Variants in CORO1C observed in about 807,000 individuals in gnomAD.
CORO1C encodes coronin-1C.
Under a neutral mutation model 51.2 loss-of-function variants are expected in CORO1C, and 14 were observed. The ratio of observed to expected loss-of-function variants is 0.27; its 90% CI spans 0.18 to 0.43. The LOEUF (loss-of-function observed/expected upper bound fraction) is 0.43. Among genes scored for constraint, CORO1C ranks in the 20% least tolerant of loss-of-function variants. CORO1C has a pLI of 1.00. For synonymous variants in CORO1C, 181 were observed against 210.5 expected, an observed-to-expected ratio of 0.86 and a Z score of 1.21; for missense variants, 417 against 607.8, an observed-to-expected ratio of 0.69 and a Z score of 3.30.
chr12:108,658,999 G>C lies in CORO1C; in HGVS notation c.449-80C>G. On this transcript the variant is annotated intron_variant, in intron 4 of 10. Transcript: ENST00000261401. This position sits in a 1 kb window ranked among gnomAD's most constrained non-coding sequence, Gnocchi z 4.9. ...ACTCAGAAAACTACAGATACAGTGA[G>C]AATACACATATGTATATGCAGAGAG... The C allele has an allele frequency of 7.1e-7, 1 of 1,417,332 alleles. No individual in the cohort carries two copies. The highest frequency in any genetic ancestry group is 9.7e-7 in the Non-Finnish European group (1 of 1,030,258). The allele number at this position is 1,417,332 out of a possible 1,614,324, so 87.8% of individuals were successfully genotyped here. A position where few individuals can be genotyped will look rare whatever the true frequency, so the allele number is the denominator to read the frequency against.
intron 1 of CORO1C, among the ~76,000 whole-genome samples, chr12:108,723,650 CCAT>C (rs1476341077): frequency 1.3e-5 from 2 of 152,242 alleles, no homozygotes; most frequent in African/African-American, 4.8e-5. Context: ...CACCAAACCA[CCAT>C]GTGACCAGAC....
At chr12:108,724,750 T>C (rs1183429176) in intron 1 of CORO1C, among the ~76,000 whole-genome samples, 3 of 152,198 alleles carry the variant, frequency 2.0e-5, no homozygotes, top group African/African-American at 7.2e-5. Context: ...GGAAAAAATA[T>C]AACTGCCTTC....
intron 1 of CORO1C, among the ~76,000 whole-genome samples, chr12:108,711,515 A>G (rs1425066320): frequency 2.0e-5 from 3 of 152,158 alleles, no homozygotes; most frequent in Non-Finnish European, 4.4e-5. Context: ...CCCCATGTCT[A>G]CTAAAAATAC....
intron 6 of CORO1C, among the ~76,000 whole-genome samples, chr12:108,656,165 G>A (rs2032979172): frequency 2.0e-5 from 1 of 49,266 alleles, no homozygotes; most frequent in Non-Finnish European, 4.2e-5. Context: ...TCTGAGAAGT[G>A]AGGAGCCCCT....
At chr12:108,690,169 A>G (rs1436605132) in intron 2 of CORO1C, among the ~76,000 whole-genome samples, 2 of 152,232 alleles carry the variant, frequency 1.3e-5, no homozygotes, top group Non-Finnish European at 2.9e-5. Flanking sequence ...AGACGGGTGC[A>G]CACAATATAT....
chr12:108,702,508 C>T (rs746245362), intron 1 of CORO1C, among the ~76,000 whole-genome samples: 5 of 152,170 alleles, frequency 3.3e-5, no homozygotes, highest in Non-Finnish European at 5.9e-5. Context: ...TCCTAGACTG[C>T]ACCCAATGTA....
chr12:108,703,392 A>G (rs2034934333), intron 1 of CORO1C, among the ~76,000 whole-genome samples: 1 of 152,238 alleles, frequency 6.6e-6, no homozygotes. Flanking sequence ...AAATCCTAAT[A>G]AAATGAAAGC....
rs953777688 is a variant in CORO1C at position 108,646,266 on chromosome 12, A to T, written c.*1137T>A. ...GCAGCACATGTGAGGAAGAGGGTAG[A>T]GCAGGAGCTTTGTTGGTGGAAGGAG... is the stretch of plus-strand genomic sequence containing the variant. On this transcript the variant is annotated 3_prime_UTR_variant, in exon 11 of 11. Coordinates refer to ENST00000261401, the MANE Select transcript of CORO1C (RefSeq NM_014325.4). 1 of 152,348 alleles carries T rather than the reference A, an allele frequency of 6.6e-6. No homozygotes were observed. Among genetic ancestry groups the T allele is most frequent in the Non-Finnish European group, 1.5e-5 (1 of 68,146 alleles). The allele number at this position is 152,348 out of a possible 1,614,324, so 9.4% of individuals were successfully genotyped here.
chr12:108,704,154 TCTGGC>T (rs2034959876), intron 1 of CORO1C, among the ~76,000 whole-genome samples: 1 of 152,154 alleles, frequency 6.6e-6, no homozygotes, highest in Non-Finnish European at 1.5e-5. Flanking sequence ...ATACAAATCT[TCTGGC>T]TGACATACAT....
intron 1 of CORO1C, among the ~76,000 whole-genome samples, chr12:108,722,436 G>A (rs996665898): frequency 2.0e-5 from 3 of 152,164 alleles, no homozygotes; most frequent in South Asian, 2.1e-4. Flanking sequence ...ACCCCTGGAC[G>A]CCACACAGCC....
intron 1 of CORO1C, among the ~76,000 whole-genome samples, chr12:108,710,638 C>G (rs1427273888): frequency 6.6e-6 from 1 of 151,470 alleles, no homozygotes; most frequent in Non-Finnish European, 1.5e-5. Context: ...AATCTCGGCT[C>G]ACTGCAACCT....
intron 1 of CORO1C, chr12:108,730,708 C>T (rs1188111711): frequency 6.5e-6 from 1 of 153,856 alleles, no homozygotes; most frequent in Non-Finnish European, 1.4e-5. Flanking sequence ...AACCCCCAGC[C>T]AGTCCCAGCC....
chr12:108,719,829 T>C lies in CORO1C; in HGVS notation c.-6+11600A>G, dbSNP rs2035433204. On this transcript the variant is annotated intron_variant, in intron 1 of 10. Transcript: ENST00000261401. ...GAAATTATGGTTCTTGCCATATCTA[T>C]CTTCATTGTTAAATGAAAGCATGCT... is the stretch of plus-strand genomic sequence containing the variant. 2.0e-5 allele frequency among the ~76,000 whole-genome samples: 3 copies of C among 152,230 alleles called. No homozygotes were observed. The East Asian group carries it at 5.8e-4, about 29-fold the overall frequency.
chr12:108,710,104 C>T (rs149416305), intron 1 of CORO1C, among the ~76,000 whole-genome samples: 2 of 152,326 alleles, frequency 1.3e-5, no homozygotes, highest in African/African-American at 4.8e-5. Flanking sequence ...CACTCTCCTC[C>T]TATTTTCCAA....
At chr12:108,652,189 T>A in intron 8 of CORO1C, 83 bp downstream of exon 8, 2 of 1,313,724 alleles carry the variant, frequency 1.5e-6, no homozygotes. Context: ...ATTTTTGAGA[T>A]CTGAAGTATA....
At chr12:108,726,587 C>T (rs2035598497) in intron 1 of CORO1C, among the ~76,000 whole-genome samples, 1 of 150,874 alleles carries the variant, frequency 6.6e-6, no homozygotes. Context: ...AGGTAGGAGA[C>T]TTGCTTGAGC....
At chr12:108,671,903 C>T (rs1280542888) in intron 3 of CORO1C, among the ~76,000 whole-genome samples, 2 of 152,158 alleles carry the variant, frequency 1.3e-5, no homozygotes, top group Non-Finnish European at 2.9e-5. Context: ...GCTGGGACCA[C>T]AGGCACTCAC....
At chr12:108,722,706 T>C (rs565456041) in intron 1 of CORO1C, among the ~76,000 whole-genome samples, 1 of 152,282 alleles carries the variant, frequency 6.6e-6, no homozygotes, top group African/African-American at 2.4e-5. Context: ...CAGTCTTGAG[T>C]TGGGGACCAA....
intron 2 of CORO1C, among the ~76,000 whole-genome samples, chr12:108,695,869 A>C (rs2034660450): frequency 6.6e-6 from 1 of 151,792 alleles, no homozygotes; most frequent in Non-Finnish European, 1.5e-5. Context: ...AAAAAAAAAA[A>C]AAAAAACAGT....
Sources: gnomAD v4.1 joint callset for allele counts (sites outside exome capture counted in the v4.1 genomes callset) on GRCh38, gnomAD v4.1.1 for gene constraint, Gnocchi (gnomAD v3.1) non-coding constraint, MANE v1.5 for transcripts, NCBI Gene and HGNC (gene_info 2026-07-23, HGNC 2026-07-21) for gene names.